Variants in INTS10 observed in about 807,000 individuals in gnomAD.
INTS10 encodes integrator complex subunit 10.
In INTS10, 44 loss-of-function variants were observed where a neutral mutation model predicts 94.4. The observed-to-expected ratio is 0.47, with a 90% confidence interval of 0.37 to 0.60. INTS10 has a LOEUF of 0.60. Ranked by LOEUF, INTS10 falls within the 20% of genes least tolerant of loss-of-function variation. The pLI, the probability that INTS10 is intolerant of heterozygous loss-of-function variation, is 0.00. For missense variants in INTS10, 797 were observed against 868.7 expected (o/e 0.92, Z 1.04); for synonymous variants, 341 against 320.7 (o/e 1.06, Z -0.68).
At chr8:19,833,372 C>A in intron 12 of INTS10, 51 bp downstream of exon 12, 3 of 1,364,764 alleles carry the variant, frequency 2.2e-6, no homozygotes, top group Admixed American at 3.1e-5. Flanking sequence ...GGCCACCTGG[C>A]CTTTCTCCTT....
intron 13 of INTS10, among the ~76,000 whole-genome samples, chr8:19,840,062 C>CA (rs56275270): frequency 0.045 from 3,131 of 70,312 alleles, 237 homozygotes; most frequent in Non-Finnish European, 0.059. Flanking sequence ...GACCTTGTCT[C>CA]AAAAAAAAAA....
At chr8:19,823,168 AT>A in intron 5 of INTS10, 132 bp from the exon 6 acceptor site, 1 of 663,078 alleles carries the variant, frequency 1.5e-6, no homozygotes, top group Non-Finnish European at 2.6e-6. Context: ...TTTTGAATAC[AT>A]GAGTCATAAG....
chr8:19,827,559 C>T (rs1321374891), intron 9 of INTS10, among the ~76,000 whole-genome samples: 1 of 152,110 alleles, frequency 6.6e-6, no homozygotes, highest in African/African-American at 2.4e-5. Context: ...TGGGCTGGAG[C>T]AGGTGTGTGG....
At chr8:19,835,600 C>A (rs2067593101) in intron 12 of INTS10, among the ~76,000 whole-genome samples, 1 of 152,160 alleles carries the variant, frequency 6.6e-6, no homozygotes, top group African/African-American at 2.4e-5. Context: ...CGAAGGATGG[C>A]AGCTCATAGC....
chr8:19,841,876 A>G, intron 13 of INTS10: 2 of 454,852 alleles, frequency 4.4e-6, no homozygotes, highest in Non-Finnish European at 8.8e-6. Context: ...ATAGAATTCA[A>G]TAATATTTTA....
chr8:19,823,381 G>C lies in INTS10; in HGVS notation c.604G>C (p.Ala202Pro). 6.2e-7 allele frequency: 1 copy of C among 1,606,150 alleles called. No individual in the cohort carries two copies. Among genetic ancestry groups the C allele is most frequent in the Non-Finnish European group, 8.5e-7 (1 of 1,172,900 alleles). The stretch of plus-strand genomic sequence containing the variant: ...TTTATTGTATAAGTACTTGAACAAA[G>C]CAGCTGAATTTTATATCAATTATGT... ...ANLLYKYLNK[A>P]AEFYINYVTR... The change falls in exon 6 of 17, where the codon GCA becomes CCA. Residue 202 changes from alanine (A) to proline (P), a missense_variant. Transcript: ENST00000397977.
intron 6 of INTS10, 142 bp from the exon 7 acceptor site, chr8:19,823,729 CTT>C: frequency 2.8e-6 from 2 of 702,644 alleles, no homozygotes; most frequent in Non-Finnish European, 4.6e-6. Context: ...CCAGTGGCCT[CTT>C]GTCGGTCCTT....
Position 19,837,317 on chromosome 8 carries a change from C to T in INTS10, c.1639+157C>T, listed in dbSNP as rs1468349152. 4.6e-5 allele frequency: 27 copies of T among 589,400 alleles called. No individual in the cohort carries two copies. The South Asian group carries it at 5.3e-4, about 12-fold the overall frequency. The allele number at this position is 589,400 out of a possible 1,614,324, so 36.5% of individuals were successfully genotyped here. A position where few individuals can be genotyped will look rare whatever the true frequency, so the allele number is the denominator to read the frequency against. ...CCAGCCTGGGCAATGTAGTGAGACC[C>T]CATCTCTTAAAAAATTTTAAAAAGA... On this transcript the variant is annotated intron_variant, in intron 13 of 16. Coordinates refer to ENST00000397977, the MANE Select transcript of INTS10 (RefSeq NM_018142.4).
intron 15 of INTS10, among the ~76,000 whole-genome samples, chr8:19,845,042 T>G (rs1212225061): frequency 1.3e-5 from 2 of 152,062 alleles, no homozygotes; most frequent in Non-Finnish European, 2.9e-5. Flanking sequence ...GGACCACAGG[T>G]GTGCACTACC....
chr8:19,851,743 A>G lies in INTS10; in HGVS notation c.2071A>G (p.Met691Val). 1.2e-6 allele frequency: 2 copies of G among 1,614,060 alleles called. No homozygotes were observed. Among genetic ancestry groups the G allele is most frequent in the Non-Finnish European group, 1.7e-6 (2 of 1,179,952 alleles). The change falls in exon 17 of 17, where the codon ATG becomes GTG. Residue 691 changes from methionine (M) to valine (V), a missense_variant. Transcript: ENST00000397977. This position sits in a 1 kb window ranked among gnomAD's most constrained non-coding sequence, Gnocchi z 5.0. ...RQVSRCGENLMVVLHRFCINE... is the reference protein window; with the variant it reads ...RQVSRCGENLVVVLHRFCINE... Reference sequence around the variant, plus strand: ...GGTCTCCCGCTGTGGAGAGAATCTGATGGTGGTTCTGCACAGGTTCTGCAT... The same window carrying G: ...GGTCTCCCGCTGTGGAGAGAATCTGGTGGTGGTTCTGCACAGGTTCTGCAT...
At chr8:19,831,365 A>G (rs189942928) in intron 10 of INTS10, among the ~76,000 whole-genome samples, 1 of 152,292 alleles carries the variant, frequency 6.6e-6, no homozygotes, top group East Asian at 1.9e-4. Context: ...TTTTAGTGTC[A>G]TTGTATGTTT....
Position 19,827,586 on chromosome 8 carries a change from G to A in INTS10, c.1140+1027G>A, listed in dbSNP as rs567525071. 9.9e-5 allele frequency among the ~76,000 whole-genome samples: 15 copies of A among 152,252 alleles called. 1 individual carries two copies. Among genetic ancestry groups the A allele is most frequent in the Admixed American group, 9.8e-4 (15 of 15,298 alleles). ...GGTGTGTGGTGAGCATCTGGTGAAG[G>A]AGGGAATTCTCATTGATCCCTCCTG... On this transcript the variant is annotated intron_variant, in intron 9 of 16. Transcript: ENST00000397977.
At position 19,833,051 on chromosome 8, in the gene INTS10, A is replaced by G. The variant is rs1442997299; in HGVS notation, c.1378-118A>G. 9.0e-6 allele frequency: 7 copies of G among 780,560 alleles called. No individual in the cohort carries two copies. The African/African-American group carries it at 1.1e-4, about 12-fold the overall frequency. The allele number at this position is 780,560 out of a possible 1,614,324, so 48.4% of individuals were successfully genotyped here. On this transcript the variant is annotated intron_variant, in intron 11 of 16. Transcript: ENST00000397977. ...GTTTCTTCCTCAGATGATCAAACCA[A>G]GCTACCGTCTTTGTATAGTTGCTTG... is the stretch of plus-strand genomic sequence containing the variant.
chr8:19,834,906 A>G (rs1400376515), intron 12 of INTS10, among the ~76,000 whole-genome samples: 1 of 152,184 alleles, frequency 6.6e-6, no homozygotes, highest in Non-Finnish European at 1.5e-5. Context: ...CCCGGATCAT[A>G]GAAGGGACAA....
chr8:19,817,913 C>T (rs1228986859), intron 1 of INTS10, among the ~76,000 whole-genome samples: 1 of 152,112 alleles, frequency 6.6e-6, no homozygotes, highest in Admixed American at 6.5e-5. Context: ...GCCGATCCCG[C>T]TTGAGGTCGG....
chr8:19,821,443 T>C (rs902015405), intron 4 of INTS10: 1 of 152,254 alleles, frequency 6.6e-6, no homozygotes, highest in African/African-American at 2.4e-5. Context: ...TGTCTTTACA[T>C]GGCCTTTTTT....
intron 12 of INTS10, among the ~76,000 whole-genome samples, chr8:19,836,260 T>C (rs2067654900): frequency 6.7e-6 from 1 of 149,232 alleles, no homozygotes; most frequent in Non-Finnish European, 1.5e-5. Flanking sequence ...CTCTGGAAAA[T>C]AGAGAACAAA....
rs549448296 is a variant in INTS10, at chr8:19,826,685, A to C, written c.1140+126A>C. 6 of 852,494 alleles carry C rather than the reference A, an allele frequency of 7.0e-6. No homozygotes were observed. The East Asian group carries it at 1.4e-4, about 20-fold the overall frequency. The allele number at this position is 852,494 out of a possible 1,614,324, so 52.8% of individuals were successfully genotyped here. On this transcript the variant is annotated intron_variant, in intron 9 of 16. Transcript: ENST00000397977. The stretch of plus-strand genomic sequence containing the variant: ...GGTTTTAAAATTGTATGATATATTA[A>C]TAATTACTAAGTCAGTGGTTCTCCA...
At chr8:19,817,969 G>A (rs2066066936) in intron 1 of INTS10, among the ~76,000 whole-genome samples, 1 of 152,186 alleles carries the variant, frequency 6.6e-6, no homozygotes, top group Non-Finnish European at 1.5e-5. Flanking sequence ...GGCCTAGACA[G>A]CACATGATCG....
Sources: allele counts gnomAD v4.1 joint callset (sites outside exome capture counted in the v4.1 genomes callset), GRCh38; gene constraint gnomAD v4.1.1; non-coding constraint Gnocchi (gnomAD v3.1); transcripts MANE v1.5; gene names NCBI Gene and HGNC (gene_info 2026-07-23, HGNC 2026-07-21).